The following CDH12 variants were observed in gnomAD, a reference collection of about 807,000 sequenced individuals.
CDH12 encodes cadherin-12.
In CDH12, 41 loss-of-function variants were observed where a neutral mutation model predicts 74.1. That is an observed-to-expected ratio of 0.55 (90% confidence interval 0.43 to 0.72). The LOEUF (loss-of-function observed/expected upper bound fraction) is 0.72, where lower values mean the gene tolerates loss of function less well. Among genes scored for constraint, CDH12 ranks in the 30% least tolerant of loss-of-function variants. The probability of loss-of-function intolerance (pLI) is 0.00; values close to 1 mark genes in which losing one functional copy is unlikely to be tolerated. For synonymous variants in CDH12, 399 were observed against 355.0 expected (o/e 1.12, Z -1.39); for missense variants, 945 against 977.2 (o/e 0.97, Z 0.44).
In CDH12 at chr5:21,883,632, G is replaced by A. The variant is rs909471566; in HGVS notation, c.527-28842C>T. On this transcript the variant is annotated intron_variant, in intron 6 of 14. Transcript: ENST00000382254. Reference sequence around the variant, plus strand: ...TCATGACTTAGGAAAAGTTGGAGAGGTCATTGTGACCAAAGACGATGCCAT... The same window carrying A: ...TCATGACTTAGGAAAAGTTGGAGAGATCATTGTGACCAAAGACGATGCCAT... 55 of 1,611,474 alleles carry A rather than the reference G, an allele frequency of 3.4e-5. No individual in the cohort carries two copies. The African/African-American group carries it at 4.9e-4, about 14-fold the overall frequency.
chr5:22,567,626 G>A (rs1337877091), intron 1 of CDH12, among the ~76,000 whole-genome samples: 1 of 146,782 alleles, frequency 6.8e-6, no homozygotes, highest in South Asian at 2.1e-4. Context: ...GGTCTCTTTT[G>A]TTATAATAAT....
intron 5 of CDH12, among the ~76,000 whole-genome samples, chr5:22,007,969 AAGAG>A (rs779236086): frequency 6.6e-6 from 1 of 152,142 alleles, no homozygotes; most frequent in Non-Finnish European, 1.5e-5. Flanking sequence ...TTGAGAGAAA[AAGAG>A]AGAGACAGAC....
intron 4 of CDH12, among the ~76,000 whole-genome samples, chr5:22,194,308 C>CTTTTTTTTTTTTTTTTTTT (rs59899245): frequency 7.1e-6 from 1 of 139,866 alleles, no homozygotes; most frequent in Admixed American, 7.2e-5. Context: ...CTTTTTCTTT[C>CTTTTTTTTTTTTTTTTTTT]TTTTTTTTTT....
chr5:22,752,461 C>A (rs1040812354), intron 1 of CDH12, among the ~76,000 whole-genome samples: 2 of 146,462 alleles, frequency 1.4e-5, no homozygotes, highest in Non-Finnish European at 1.5e-5. Flanking sequence ...AAACTTTCCA[C>A]ATGTTTTCAT....
At chr5:22,555,539 T>G (rs1346212458) in intron 1 of CDH12, among the ~76,000 whole-genome samples, 1 of 151,784 alleles carries the variant, frequency 6.6e-6, no homozygotes, top group South Asian at 2.1e-4. Flanking sequence ...AAGAAAAAAA[T>G]AGTGTCTTCT....
intron 1 of CDH12, among the ~76,000 whole-genome samples, chr5:22,697,563 C>T (rs1247237512): frequency 1.4e-4 from 16 of 115,476 alleles, no homozygotes; most frequent in African/African-American, 5.8e-4. Context: ...CAGAGCGAGA[C>T]TCTGTCTCAA....
chr5:22,234,621 A>C (rs576622299), intron 3 of CDH12, among the ~76,000 whole-genome samples: 66 of 148,086 alleles, frequency 4.5e-4, no homozygotes, highest in Non-Finnish European at 7.9e-4. Context: ...GCACTAATAC[A>C]CTGCCTTAGA....
intron 5 of CDH12, among the ~76,000 whole-genome samples, chr5:21,996,105 GTTT>G (rs61516659): frequency 8.8e-6 from 1 of 113,552 alleles, no homozygotes; most frequent in African/African-American, 2.8e-5. Context: ...TCACACACAC[GTTT>G]TTTTTTTTTT....
intron 1 of CDH12, among the ~76,000 whole-genome samples, chr5:22,575,284 T>C (rs781419078): frequency 1.5e-4 from 23 of 152,158 alleles, no homozygotes; most frequent in Admixed American, 7.2e-4. Flanking sequence ...ACCCTTATTG[T>C]ATTTCTTCAT....
At chr5:22,698,419 C>A (rs1742498089) in intron 1 of CDH12, among the ~76,000 whole-genome samples, 1 of 151,370 alleles carries the variant, frequency 6.6e-6, no homozygotes, top group Admixed American at 6.6e-5. Context: ...CCGTGTCTGG[C>A]CAAAGGCCAG....
intron 3 of CDH12, among the ~76,000 whole-genome samples, chr5:22,367,325 C>T (rs1054472476): frequency 3.3e-5 from 5 of 152,112 alleles, no homozygotes; most frequent in African/African-American, 1.2e-4. Context: ...AAATGGAAAC[C>T]AGCAACAAAG....
chr5:22,451,246 G>A, intron 2 of CDH12, among the ~76,000 whole-genome samples: 1 of 151,940 alleles, frequency 6.6e-6, no homozygotes, highest in East Asian at 1.9e-4. Flanking sequence ...GTGATCAAAT[G>A]AATGAATGAT....
intron 2 of CDH12, among the ~76,000 whole-genome samples, chr5:22,428,196 T>C (rs904349630): frequency 2.5e-5 from 1 of 39,932 alleles, no homozygotes; most frequent in African/African-American, 1.7e-4. Context: ...CACACATATG[T>C]ATATATATAT....
At chr5:22,632,107 G>C (rs956374875) in intron 1 of CDH12, among the ~76,000 whole-genome samples, 12 of 152,188 alleles carry the variant, frequency 7.9e-5, no homozygotes, top group African/African-American at 2.9e-4. Flanking sequence ...ACTACCTGTT[G>C]GGAGTGTGCT....
chr5:22,505,717 T>TC (rs1229218910), intron 1 of CDH12, among the ~76,000 whole-genome samples: 3 of 152,128 alleles, frequency 2.0e-5, no homozygotes, highest in Non-Finnish European at 4.4e-5. Flanking sequence ...TGTCATTATG[T>TC]CCCCTTGGCC....
chr5:22,806,303 C>A (rs1220186159), intron 1 of CDH12, among the ~76,000 whole-genome samples: 1 of 151,736 alleles, frequency 6.6e-6, no homozygotes, highest in Non-Finnish European at 1.5e-5. Context: ...TATTTCCCCA[C>A]ATCATCTCCA....
chr5:22,125,529 C>T (rs1199870552), intron 4 of CDH12, among the ~76,000 whole-genome samples: 1 of 152,112 alleles, frequency 6.6e-6, no homozygotes, highest in Non-Finnish European at 1.5e-5. Context: ...ATTTGGACAA[C>T]CATATTTTTT....
At chr5:22,732,467 T>TACACAC (rs762737475) in intron 1 of CDH12, among the ~76,000 whole-genome samples, 11 of 139,840 alleles carry the variant, frequency 7.9e-5, no homozygotes, top group South Asian at 4.5e-4. Context: ...TATATATATA[T>TACACAC]ATATACACAC....
intron 5 of CDH12, among the ~76,000 whole-genome samples, chr5:22,056,800 A>G (rs1740773673): frequency 6.6e-6 from 1 of 152,132 alleles, no homozygotes; most frequent in Non-Finnish European, 1.5e-5. Flanking sequence ...ATGGTTTCCT[A>G]CTTTACAGAT....
Sources: allele counts gnomAD v4.1 joint callset (sites outside exome capture counted in the v4.1 genomes callset), GRCh38; gene constraint gnomAD v4.1.1; transcripts MANE v1.5; gene names NCBI Gene and HGNC (gene_info 2026-07-23, HGNC 2026-07-21).